The following MALRD1 variants were observed in gnomAD, a reference collection of about 807,000 sequenced individuals.
MALRD1 encodes the protein MAM and LDL receptor class A domain containing 1, also known as MAM and LDL-receptor class A domain-containing protein 1.
In MALRD1, 247 loss-of-function variants were observed where a neutral mutation model predicts 242.1. That is an observed-to-expected ratio of 1.02 (90% CI 0.92 to 1.13). The LOEUF (loss-of-function observed/expected upper bound fraction) is 1.13. MALRD1 is among the 50% of genes most tolerant of loss of function. MALRD1 has a pLI of 0.00. For synonymous variants in MALRD1, 995 were observed against 866.6 expected, an observed-to-expected ratio of 1.15 and a Z score of -2.60; for missense variants, 2,989 against 2,533.1, an observed-to-expected ratio of 1.18 and a Z score of -3.86.
intron 14 of MALRD1, among the ~76,000 whole-genome samples, chr10:19,177,805 GCCT>G (rs892386392): frequency 1.3e-5 from 2 of 152,114 alleles, no homozygotes; most frequent in African/African-American, 4.8e-5. Context: ...ACTTAGCAAA[GCCT>G]CTGTGTTCAG....
chr10:19,389,352 T>A (rs1370368317), intron 27 of MALRD1, 100 bp from the exon 28 acceptor site: 6 of 1,254,064 alleles, frequency 4.8e-6, no homozygotes, highest in Non-Finnish European at 6.8e-6. Flanking sequence ...GCAGCTCAGA[T>A]CATACGAATT....
chr10:19,429,058 G>A (rs980119507), intron 28 of MALRD1, among the ~76,000 whole-genome samples: 1 of 152,164 alleles, frequency 6.6e-6, no homozygotes, highest in Non-Finnish European at 1.5e-5. Context: ...ATTACACCTA[G>A]TATATGGTAT....
At chr10:19,254,713 T>G (rs1839428928) in intron 18 of MALRD1, among the ~76,000 whole-genome samples, 1 of 151,910 alleles carries the variant, frequency 6.6e-6, no homozygotes, top group African/African-American at 2.4e-5. Context: ...TTAAAGTTTA[T>G]AAATTTATAA....
intron 21 of MALRD1, among the ~76,000 whole-genome samples, chr10:19,297,419 T>G (rs1326878780): frequency 6.6e-6 from 1 of 151,908 alleles, no homozygotes; most frequent in East Asian, 1.9e-4. Flanking sequence ...TAAAAAAATA[T>G]TTAGACATTT....
intron 18 of MALRD1, among the ~76,000 whole-genome samples, chr10:19,241,713 A>G (rs1027352933): frequency 6.6e-6 from 1 of 151,798 alleles, no homozygotes; most frequent in South Asian, 2.1e-4. Flanking sequence ...CCCTCTTAGA[A>G]CTGCTTTTGC....
At chr10:19,397,749 C>G (rs1846647542) in intron 28 of MALRD1, among the ~76,000 whole-genome samples, 1 of 152,042 alleles carries the variant, frequency 6.6e-6, no homozygotes, top group Admixed American at 6.6e-5. Flanking sequence ...ACTTGTTATA[C>G]TATTTTTGCT....
intron 33 of MALRD1, among the ~76,000 whole-genome samples, chr10:19,571,812 C>G (rs1836556116): frequency 6.6e-6 from 1 of 152,112 alleles, no homozygotes; most frequent in Non-Finnish European, 1.5e-5. Context: ...AGATGAGACA[C>G]AAATGAACCA....
At chr10:19,713,818 A>T (rs1269835410) in intron 38 of MALRD1, among the ~76,000 whole-genome samples, 1 of 152,208 alleles carries the variant, frequency 6.6e-6, no homozygotes, top group Non-Finnish European at 1.5e-5. Flanking sequence ...GGAGTTAGCA[A>T]AGGTTCTGGT....
chr10:19,683,164 G>A (rs892726781), intron 36 of MALRD1, among the ~76,000 whole-genome samples: 2 of 151,604 alleles, frequency 1.3e-5, no homozygotes, highest in African/African-American at 2.4e-5. Context: ...TTTTCAAAAT[G>A]GCAGAATTGG....
At chr10:19,651,263 G>A (rs1200710112) in intron 36 of MALRD1, among the ~76,000 whole-genome samples, 1 of 152,128 alleles carries the variant, frequency 6.6e-6, no homozygotes. Flanking sequence ...ATTGGGACTG[G>A]AGCATCCTTG....
intron 18 of MALRD1, among the ~76,000 whole-genome samples, chr10:19,230,097 T>G: frequency 6.6e-6 from 1 of 152,134 alleles, no homozygotes; most frequent in East Asian, 1.9e-4. Flanking sequence ...GTTTGCCTGC[T>G]GCCATGTAAG....
chr10:19,490,511 G>C (rs796798598), intron 29 of MALRD1, among the ~76,000 whole-genome samples: 5 of 128,298 alleles, frequency 3.9e-5, no homozygotes, highest in African/African-American at 8.1e-5. Flanking sequence ...TGGGGCGGGG[G>C]GGGGGCAGGG....
intron 10 of MALRD1, among the ~76,000 whole-genome samples, chr10:19,145,270 C>T (rs1833689840): frequency 6.6e-6 from 1 of 152,034 alleles, no homozygotes. Flanking sequence ...CTCCAAACCC[C>T]GACTTTCTCT....
intron 28 of MALRD1, among the ~76,000 whole-genome samples, chr10:19,406,510 T>A (rs1847118450): frequency 6.6e-6 from 1 of 152,166 alleles, no homozygotes; most frequent in Admixed American, 6.5e-5. Context: ...CGTCAGGTGT[T>A]AAGCTTAGAG....
chr10:19,237,745 A>T (rs1399463484), intron 18 of MALRD1, among the ~76,000 whole-genome samples: 6 of 116,692 alleles, frequency 5.1e-5, no homozygotes, highest in Non-Finnish European at 8.5e-5. Context: ...TATATAATTT[A>T]TATATAAAAC....
intron 6 of MALRD1, 134 bp from the exon 7 acceptor site, chr10:19,124,390 C>T: frequency 1.2e-6 from 1 of 823,186 alleles, no homozygotes; most frequent in Non-Finnish European, 1.6e-6. Context: ...TGAATCCAAA[C>T]TTGCAGATAT....
At chr10:19,397,687 T>C (rs1456393316) in intron 28 of MALRD1, among the ~76,000 whole-genome samples, 1 of 152,166 alleles carries the variant, frequency 6.6e-6, no homozygotes, top group African/African-American at 2.4e-5. Context: ...GCTGTACTAA[T>C]TTATAATCCC....
chr10:19,153,321 A>G (rs1341966549), intron 11 of MALRD1, among the ~76,000 whole-genome samples: 1 of 152,216 alleles, frequency 6.6e-6, no homozygotes, highest in African/African-American at 2.4e-5. Flanking sequence ...TTTATTAAAA[A>G]TTAAAGATAT....
chr10:19,131,613 G>T (rs577971584), intron 8 of MALRD1, among the ~76,000 whole-genome samples: 3 of 152,006 alleles, frequency 2.0e-5, no homozygotes, highest in Non-Finnish European at 4.4e-5. Context: ...AAATTACATG[G>T]TCTTATTCCT....
Sources: allele counts gnomAD v4.1 joint callset (sites outside exome capture counted in the v4.1 genomes callset), GRCh38; gene constraint gnomAD v4.1.1; transcripts MANE v1.5; gene names NCBI Gene and HGNC (gene_info 2026-07-23, HGNC 2026-07-21).